The following WARS2 variants were observed in gnomAD, a reference collection of about 807,000 sequenced individuals.
WARS2 encodes tryptophan--tRNA ligase, mitochondrial.
Under a neutral mutation model 36.5 loss-of-function variants are expected in WARS2, and 28 were observed. The observed-to-expected ratio is 0.77, with a 90% CI of 0.57 to 1.05. The LOEUF is 1.05. Among genes scored for constraint, WARS2 ranks in the 50% least tolerant of loss-of-function variants. WARS2 has a pLI of 0.00. For missense variants in WARS2, 435 were observed against 456.8 expected (o/e 0.95, Z 0.44); for synonymous variants, 174 against 178.4 (o/e 0.98, Z 0.20).
At chr1:119,071,503 T>C (rs1203711535) in intron 2 of WARS2, among the ~76,000 whole-genome samples, 1 of 152,196 alleles carries the variant, frequency 6.6e-6, no homozygotes, top group Non-Finnish European at 1.5e-5. Context: ...AATGGAATAC[T>C]ATTCAGCCTT....
chr1:119,054,159 T>C (rs551654182), intron 2 of WARS2, among the ~76,000 whole-genome samples: 1 of 151,298 alleles, frequency 6.6e-6, no homozygotes, highest in East Asian at 1.9e-4. Context: ...AAATAAAACA[T>C]TTTAAATAAA....
chr1:119,097,882 A>G (rs1291578595), intron 1 of WARS2, among the ~76,000 whole-genome samples: 1 of 152,172 alleles, frequency 6.6e-6, no homozygotes, highest in Non-Finnish European at 1.5e-5. Flanking sequence ...ATGAAGATAG[A>G]GGCAGGCCAT....
At chr1:119,060,358 AC>A (rs1179278511) in intron 2 of WARS2, among the ~76,000 whole-genome samples, 1 of 152,182 alleles carries the variant, frequency 6.6e-6, no homozygotes, top group Non-Finnish European at 1.5e-5. Context: ...TCATGCTATA[AC>A]CCCACATGGC....
intron 1 of WARS2, among the ~76,000 whole-genome samples, chr1:119,105,222 G>A (rs587741434): frequency 6.6e-6 from 1 of 152,208 alleles, no homozygotes; most frequent in East Asian, 1.9e-4. Flanking sequence ...TGAATACTAA[G>A]GATTAATTGG....
At chr1:119,094,864 G>A (rs587737641) in intron 1 of WARS2, among the ~76,000 whole-genome samples, 4 of 151,864 alleles carry the variant, frequency 2.6e-5, no homozygotes, top group South Asian at 2.1e-4. Context: ...ATTCTTGTAC[G>A]TAATAAATAA....
chr1:119,136,834 C>A (rs1656544955), intron 1 of WARS2, among the ~76,000 whole-genome samples: 1 of 152,184 alleles, frequency 6.6e-6, no homozygotes, highest in African/African-American at 2.4e-5. Context: ...AAGACTATTT[C>A]TTCACGTTTG....
intron 1 of WARS2, among the ~76,000 whole-genome samples, chr1:119,106,666 A>G (rs1654263063): frequency 6.6e-6 from 1 of 152,216 alleles, no homozygotes; most frequent in African/African-American, 2.4e-5. Context: ...TAAGTGCTGA[A>G]GAGTGTTCCA....
chr1:119,057,632 A>G (rs1344629099), intron 2 of WARS2, among the ~76,000 whole-genome samples: 1 of 151,878 alleles, frequency 6.6e-6, no homozygotes, highest in Non-Finnish European at 1.5e-5. Context: ...TCTACTAACA[A>G]TATAATCATT....
intron 4 of WARS2, among the ~76,000 whole-genome samples, chr1:119,034,498 G>A (rs1403668864): frequency 1.3e-5 from 2 of 152,132 alleles, no homozygotes. Context: ...ATTTTAAATA[G>A]CATATGCTCT....
intron 1 of WARS2, among the ~76,000 whole-genome samples, chr1:119,119,141 A>G (rs990644399): frequency 1.3e-5 from 2 of 152,184 alleles, no homozygotes; most frequent in African/African-American, 4.8e-5. Flanking sequence ...GGGAGGATGG[A>G]TAAGAATTCA....
intron 4 of WARS2, among the ~76,000 whole-genome samples, chr1:119,037,374 A>G (rs1647971883): frequency 6.6e-6 from 1 of 152,158 alleles, no homozygotes; most frequent in Non-Finnish European, 1.5e-5. Context: ...TTGCCTACAT[A>G]TATCTGCTCA....
rs560245444 is a variant in WARS2 at position 119,048,881 on chromosome 1, T to C, written c.349-3219A>G. Among the ~76,000 whole-genome samples, 9 of 152,150 alleles carry C rather than the reference T, an allele frequency of 5.9e-5. No individual in the cohort carries two copies. The East Asian group carries it at 1.7e-3, about 29-fold the overall frequency. On this transcript the variant is annotated intron_variant, in intron 2 of 5. Transcript: ENST00000235521. Reference sequence around the variant, plus strand: ...GAGTTCAAGACCAGCCTGGCCAATATGGCGAAACCCGTCTCTACTAAAAAT... The same window carrying C: ...GAGTTCAAGACCAGCCTGGCCAATACGGCGAAACCCGTCTCTACTAAAAAT...
chr1:119,088,381 GC>G (rs1313754346), intron 1 of WARS2, among the ~76,000 whole-genome samples: 10 of 151,178 alleles, frequency 6.6e-5, no homozygotes. Flanking sequence ...ACTGTTCTAA[GC>G]CAACTGCTAC....
chr1:119,123,974 T>C lies in WARS2; in HGVS notation c.90+16581A>G, dbSNP rs1655492226. Among the ~76,000 whole-genome samples, 3 of 152,196 alleles carry C rather than the reference T, an allele frequency of 2.0e-5. No homozygotes were observed. In the South Asian group the frequency reaches 6.2e-4, roughly 32 times the overall value. On this transcript the variant is annotated intron_variant, in intron 1 of 5. Coordinates refer to ENST00000235521, the MANE Select transcript of WARS2 (RefSeq NM_015836.4). ...TGCCTACCTGACATTTCCACTTATA[T>C]GTTCACGAAGCATCTAAACTCAATT... is the stretch of plus-strand genomic sequence containing the variant.
intron 1 of WARS2, among the ~76,000 whole-genome samples, chr1:119,078,597 T>C (rs982436637): frequency 6.6e-6 from 1 of 152,190 alleles, no homozygotes. Context: ...GGGAACTCTT[T>C]TTATGATTAC....
At chr1:119,106,851 T>C (rs1352843209) in intron 1 of WARS2, among the ~76,000 whole-genome samples, 1 of 152,220 alleles carries the variant, frequency 6.6e-6, no homozygotes, top group Non-Finnish European at 1.5e-5. Context: ...GATTGTATGG[T>C]AAGAGTATAT....
intron 2 of WARS2, among the ~76,000 whole-genome samples, chr1:119,052,719 G>A (rs1258643391): frequency 6.6e-6 from 1 of 152,154 alleles, no homozygotes; most frequent in Non-Finnish European, 1.5e-5. Context: ...GATTATGCTA[G>A]GCTATACAGG....
intron 1 of WARS2, among the ~76,000 whole-genome samples, chr1:119,122,946 A>G (rs147558255): frequency 6.6e-6 from 1 of 152,182 alleles, no homozygotes; most frequent in Non-Finnish European, 1.5e-5. Context: ...AGAAGAAAAA[A>G]TCAGCTCTCT....
At chr1:119,105,837 G>C (rs926477235) in intron 1 of WARS2, among the ~76,000 whole-genome samples, 28 of 152,278 alleles carry the variant, frequency 1.8e-4, no homozygotes, top group African/African-American at 6.5e-4. Flanking sequence ...TTGAACCTGG[G>C]AGGTGGAGGT....
Sources: allele counts gnomAD v4.1 joint callset (sites outside exome capture counted in the v4.1 genomes callset), GRCh38; gene constraint gnomAD v4.1.1; transcripts MANE v1.5; gene names NCBI Gene and HGNC (gene_info 2026-07-23, HGNC 2026-07-21).